PRKRIP1: variants seen among roughly 807,000 people sequenced by gnomAD.
The protein encoded by PRKRIP1 is PRKR interacting protein 1.
Under a neutral mutation model 29.3 loss-of-function variants are expected in PRKRIP1, and 29 were observed. That is an observed-to-expected ratio of 0.99 (90% CI 0.74 to 1.35). PRKRIP1 has a LOEUF of 1.35. Among genes scored for constraint, PRKRIP1 ranks in the 40% most tolerant of loss-of-function variants. The pLI is 0.00. For missense variants in PRKRIP1, 247 were observed against 236.8 expected (o/e 1.04, Z -0.28); for synonymous variants, 90 against 85.1 (o/e 1.06, Z -0.32).
intron 4 of PRKRIP1, chr7:102,405,999 G>A (rs1034419510): frequency 7.6e-6 from 2 of 263,822 alleles, no homozygotes; most frequent in South Asian, 4.1e-5. Flanking sequence ...AGTGGTAGTC[G>A]GTTGGCAAGA....
In PRKRIP1 at chr7:102,396,554, G is replaced by A; in HGVS notation, c.126+17G>A. On this transcript the variant is annotated intron_variant, in intron 1 of 5. Transcript: ENST00000397912. Reference sequence around the variant, plus strand: ...AAGAACCCGGTGAGACGAGGCCCAGGCTCCACGGCCCGTCCGAGGCCCACC... The same window carrying A: ...AAGAACCCGGTGAGACGAGGCCCAGACTCCACGGCCCGTCCGAGGCCCACC... The A allele has an allele frequency of 6.2e-7, 1 of 1,602,764 alleles. No individual in the cohort carries two copies. The highest frequency in any genetic ancestry group is 1.3e-5 in the African/African-American group (1 of 74,284).
At chr7:102,399,527 T>C in intron 2 of PRKRIP1, 21 bp from the exon 3 acceptor site, 1 of 1,593,244 alleles carries the variant, frequency 6.3e-7, no homozygotes, top group Non-Finnish European at 8.6e-7. Flanking sequence ...CATCTAGAAC[T>C]GTGGACTGTT....
intron 5 of PRKRIP1, among the ~76,000 whole-genome samples, chr7:102,423,790 C>T (rs1554574120): frequency 6.6e-6 from 1 of 151,898 alleles, no homozygotes; most frequent in East Asian, 1.9e-4. Context: ...GGTCCTCCTG[C>T]CTCAGCCTCA....
intron 3 of PRKRIP1, among the ~76,000 whole-genome samples, chr7:102,401,693 A>C (rs1796077567): frequency 6.6e-6 from 1 of 152,294 alleles, no homozygotes; most frequent in East Asian, 1.9e-4. Context: ...AGATTGCGCC[A>C]TTACACTCCA....
At chr7:102,401,187 G>C (rs1223729263) in intron 3 of PRKRIP1, among the ~76,000 whole-genome samples, 3 of 152,084 alleles carry the variant, frequency 2.0e-5, no homozygotes, top group Non-Finnish European at 4.4e-5. Flanking sequence ...CAGGACTGCT[G>C]GGAAGACATA....
intron 2 of PRKRIP1, among the ~76,000 whole-genome samples, chr7:102,398,404 C>T (rs1302903830): frequency 2.0e-5 from 3 of 152,054 alleles, no homozygotes; most frequent in African/African-American, 7.2e-5. Context: ...CCTGCCTTAG[C>T]CTCCTGAGTA....
chr7:102,402,000 G>T (rs1258243526), intron 3 of PRKRIP1, among the ~76,000 whole-genome samples: 1 of 152,184 alleles, frequency 6.6e-6, no homozygotes, highest in African/African-American at 2.4e-5. Flanking sequence ...AGTTTTTCCT[G>T]GCCCCTGGGT....
chr7:102,407,299 A>G (rs1796257605), intron 4 of PRKRIP1, 135 bp from the exon 5 acceptor site: 3 of 606,576 alleles, frequency 4.9e-6, no homozygotes, highest in Admixed American at 3.0e-5. Context: ...GCACTCACCT[A>G]ATATTTTTCT....
At chr7:102,406,983 A>G (rs1288203041) in intron 4 of PRKRIP1, among the ~76,000 whole-genome samples, 1 of 152,162 alleles carries the variant, frequency 6.6e-6, no homozygotes, top group African/African-American at 2.4e-5. Flanking sequence ...TGGGAGGCCA[A>G]GGCAGGTGGA....
intron 5 of PRKRIP1, among the ~76,000 whole-genome samples, chr7:102,424,311 T>C (rs782814872): frequency 2.6e-5 from 4 of 152,258 alleles, no homozygotes; most frequent in Admixed American, 2.0e-4. Context: ...TGTGAGTTGC[T>C]GAGGCCACCG....
intron 5 of PRKRIP1, among the ~76,000 whole-genome samples, chr7:102,420,260 G>A (rs1328210794): frequency 1.3e-5 from 2 of 152,170 alleles, no homozygotes; most frequent in African/African-American, 4.8e-5. Context: ...TTGCTGGGTT[G>A]TATGATAGGA....
chr7:102,422,178 TGA>T (rs1796712548), intron 5 of PRKRIP1, among the ~76,000 whole-genome samples: 2 of 107,386 alleles, frequency 1.9e-5, no homozygotes, highest in Non-Finnish European at 3.9e-5. Context: ...ATTATTATTA[TGA>T]TTATTATTAT....
Position 102,408,872 on chromosome 7 carries a change from C to T in PRKRIP1, c.457+1374C>T, listed in dbSNP as rs545120527. ...AGCCTGGGCAACAAAAGCAAAACTC[C>T]ATCTCAAAAAAATAAAACAGGCCAG... On this transcript the variant is annotated intron_variant, in intron 5 of 5. Transcript: ENST00000397912. 3.9e-5 allele frequency among the ~76,000 whole-genome samples: 6 copies of T among 151,942 alleles called. No individual in the cohort carries two copies. The South Asian group carries it at 1.0e-3, about 26-fold the overall frequency.
intron 5 of PRKRIP1, among the ~76,000 whole-genome samples, chr7:102,424,150 G>T (rs1255305518): frequency 6.6e-6 from 1 of 152,276 alleles, no homozygotes; most frequent in Non-Finnish European, 1.5e-5. Flanking sequence ...CTTTGGCTGT[G>T]CAGGGCCTCC....
intron 5 of PRKRIP1, among the ~76,000 whole-genome samples, chr7:102,416,999 G>A (rs1036133957): frequency 5.9e-5 from 9 of 151,990 alleles, no homozygotes; most frequent in Non-Finnish European, 1.2e-4. Flanking sequence ...GGGACTACAG[G>A]CACCCACCAC....
intron 3 of PRKRIP1, among the ~76,000 whole-genome samples, chr7:102,400,630 G>A (rs1175091786): frequency 2.6e-5 from 4 of 152,038 alleles, no homozygotes; most frequent in Non-Finnish European, 4.4e-5. Flanking sequence ...GTTCTGTGTA[G>A]ATACTAACTT....
intron 5 of PRKRIP1, among the ~76,000 whole-genome samples, chr7:102,421,666 A>G (rs1796696922): frequency 6.6e-6 from 1 of 152,106 alleles, no homozygotes; most frequent in Non-Finnish European, 1.5e-5. Context: ...GTGTAGTGTC[A>G]CACACCTGTA....
intron 1 of PRKRIP1, among the ~76,000 whole-genome samples, chr7:102,396,873 A>C (rs1325471923): frequency 6.6e-6 from 1 of 152,140 alleles, no homozygotes; most frequent in Non-Finnish European, 1.5e-5. Context: ...TACTCTAAAC[A>C]ACACTGATCG....
chr7:102,425,114 A>T lies in PRKRIP1; in HGVS notation c.*3A>T. On this transcript the variant is annotated 3_prime_UTR_variant, in exon 6 of 6. Coordinates refer to ENST00000397912, the MANE Select transcript of PRKRIP1 (RefSeq NM_024653.4). Reference sequence around the variant, plus strand: ...CCAGTTTCACCATGGGGCGATGACAATGTTTGCCACAGCCTCTGCCTGGAA... The same window carrying T: ...CCAGTTTCACCATGGGGCGATGACATTGTTTGCCACAGCCTCTGCCTGGAA... 1 of 1,610,852 alleles carries T rather than the reference A, an allele frequency of 6.2e-7. No individual in the cohort carries two copies. Among genetic ancestry groups the T allele is most frequent in the Non-Finnish European group, 8.5e-7 (1 of 1,179,640 alleles).
Sources: allele counts gnomAD v4.1 joint callset (sites outside exome capture counted in the v4.1 genomes callset), GRCh38; gene constraint gnomAD v4.1.1; transcripts MANE v1.5; gene names NCBI Gene and HGNC (gene_info 2026-07-23, HGNC 2026-07-21).